The following RYR3 variants were observed in gnomAD, a reference collection of about 807,000 sequenced individuals.
RYR3 encodes the protein brain ryanodine receptor-calcium release channel.
In RYR3, 207 loss-of-function variants were observed where a neutral mutation model predicts 584.3. The observed-to-expected ratio is 0.35, with a 90% CI of 0.32 to 0.40. The LOEUF (loss-of-function observed/expected upper bound fraction) is 0.40, where lower values mean the gene tolerates loss of function less well. Ranked by LOEUF, RYR3 falls within the 10% of genes least tolerant of loss-of-function variation. RYR3 has a pLI of 1.00. For synonymous variants in RYR3, 2,416 were observed against 2,248.5 expected, an observed-to-expected ratio of 1.07 and a Z score of -2.11; for missense variants, 5,616 against 6,089.2, an observed-to-expected ratio of 0.92 and a Z score of 2.59.
At chr15:33,430,170 C>T (rs1427130218) in intron 1 of RYR3, among the ~76,000 whole-genome samples, 4 of 152,246 alleles carry the variant, frequency 2.6e-5, no homozygotes. Context: ...GCAGCAAAGC[C>T]AAACACTTAT....
intron 27 of RYR3, among the ~76,000 whole-genome samples, chr15:33,643,292 C>CT (rs2061932968): frequency 6.6e-6 from 1 of 152,192 alleles, no homozygotes; most frequent in African/African-American, 2.4e-5. Flanking sequence ...CTCCAGCCAC[C>CT]TGCCTGCCTC....
chr15:33,859,436 A>C (rs979885070), intron 99 of RYR3, 139 bp from the exon 100 acceptor site: 2 of 797,638 alleles, frequency 2.5e-6, no homozygotes. Context: ...TAGCAGCATG[A>C]ATACTGGCAC....
At chr15:33,326,390 TC>T (rs1969704646) in intron 1 of RYR3, among the ~76,000 whole-genome samples, 1 of 152,146 alleles carries the variant, frequency 6.6e-6, no homozygotes, top group African/African-American at 2.4e-5. Context: ...AAACACATAA[TC>T]CCATTTTCAA....
At chr15:33,843,237 A>G (rs567073930) in intron 91 of RYR3, among the ~76,000 whole-genome samples, 35 of 152,074 alleles carry the variant, frequency 2.3e-4, no homozygotes, top group East Asian at 5.8e-4. Context: ...GGAGAATGGC[A>G]TGAACCCGGG....
At chr15:33,385,112 T>TATTCC (rs763938908) in intron 1 of RYR3, among the ~76,000 whole-genome samples, 33 of 152,344 alleles carry the variant, frequency 2.2e-4, no homozygotes, top group Admixed American at 5.9e-4. Flanking sequence ...GCTTTTTCCT[T>TATTCC]ATTCCTCTAC....
At chr15:33,484,135 G>A (rs1596325758) in intron 2 of RYR3, among the ~76,000 whole-genome samples, 1 of 151,844 alleles carries the variant, frequency 6.6e-6, no homozygotes, top group Non-Finnish European at 1.5e-5. Flanking sequence ...TCATCAATGA[G>A]TATTCATTGC....
intron 1 of RYR3, among the ~76,000 whole-genome samples, chr15:33,459,171 T>A (rs1262375092): frequency 6.6e-6 from 1 of 152,220 alleles, no homozygotes; most frequent in Non-Finnish European, 1.5e-5. Flanking sequence ...TTACAGGTGC[T>A]CCAGATAAGT....
chr15:33,685,919 A>C (rs1351594647), intron 38 of RYR3, among the ~76,000 whole-genome samples: 1 of 152,258 alleles, frequency 6.6e-6, no homozygotes. Context: ...AACATACCAG[A>C]ATCTCTGGGA....
chr15:33,467,976 G>C (rs1419207961), intron 1 of RYR3, among the ~76,000 whole-genome samples: 1 of 152,214 alleles, frequency 6.6e-6, no homozygotes, highest in African/African-American at 2.4e-5. Flanking sequence ...CCATCACCAT[G>C]GGCTTTAGAA....
intron 1 of RYR3, among the ~76,000 whole-genome samples, chr15:33,416,174 T>G (rs1335406291): frequency 6.6e-6 from 1 of 152,194 alleles, no homozygotes; most frequent in Non-Finnish European, 1.5e-5. Context: ...AATGAGTGCA[T>G]GTGTCTTTTT....
rs1033464754 is a variant in RYR3 at position 33,757,274 on chromosome 15, T to A, written c.8584-201T>A. 2.0e-5 allele frequency among the ~76,000 whole-genome samples: 3 copies of A among 152,112 alleles called. No individual in the cohort carries two copies. The South Asian group carries it at 6.2e-4, about 32-fold the overall frequency. On this transcript the variant is annotated intron_variant, in intron 59 of 103. Coordinates refer to ENST00000634891, the MANE Select transcript of RYR3 (RefSeq NM_001036.6). ...GCCCTTAGTCCATGGCTGTCTCCTT[T>A]CACATGCCCTTAAGGACTCTGGTTT...
At chr15:33,483,457 G>T (rs2050149778) in intron 2 of RYR3, among the ~76,000 whole-genome samples, 1 of 152,030 alleles carries the variant, frequency 6.6e-6, no homozygotes, top group South Asian at 2.1e-4. Flanking sequence ...GTATTTTGTT[G>T]TAGCTGGCAG....
chr15:33,674,064 G>A (rs1280784165), intron 38 of RYR3, among the ~76,000 whole-genome samples: 1 of 152,154 alleles, frequency 6.6e-6, no homozygotes, highest in Non-Finnish European at 1.5e-5. Context: ...CAGAACTGGA[G>A]GTGACCTTGA....
chr15:33,317,707 C>G (rs1271795076), intron 1 of RYR3, among the ~76,000 whole-genome samples: 10 of 152,300 alleles, frequency 6.6e-5, no homozygotes, highest in Admixed American at 3.9e-4. Context: ...TTCAGATCAT[C>G]TCTGAGACTG....
intron 1 of RYR3, among the ~76,000 whole-genome samples, chr15:33,361,097 G>A (rs1395743585): frequency 1.3e-5 from 2 of 152,196 alleles, no homozygotes; most frequent in Non-Finnish European, 2.9e-5. Flanking sequence ...CCTGCATACA[G>A]CTGGGGCCCA....
chr15:33,731,706 T>G lies in RYR3; in HGVS notation c.7424+12T>G. ...CTTGCCATTTGCAAGTAAGTACATA[T>G]CCTATGTTGTTACTTCTGTGTATGC... On this transcript the variant is annotated intron_variant, in intron 48 of 103. Transcript: ENST00000634891. 1 of 1,545,484 alleles carries G rather than the reference T, an allele frequency of 6.5e-7. No individual in the cohort carries two copies. The highest frequency in any genetic ancestry group is 8.9e-7 in the Non-Finnish European group (1 of 1,120,024).
At chr15:33,512,060 G>C (rs2053076660) in intron 3 of RYR3, among the ~76,000 whole-genome samples, 1 of 152,126 alleles carries the variant, frequency 6.6e-6, no homozygotes, top group African/African-American at 2.4e-5. Flanking sequence ...TTACAGGCGT[G>C]AGCCACCGCG....
chr15:33,644,255 G>A, intron 27 of RYR3, 56 bp from the exon 28 acceptor site: 1 of 1,424,828 alleles, frequency 7.0e-7, no homozygotes, highest in East Asian at 2.4e-5. Context: ...AGCTGCCTCG[G>A]AGTTTCCTGG....
chr15:33,570,769 T>C (rs1437839019), intron 12 of RYR3, among the ~76,000 whole-genome samples: 1 of 152,214 alleles, frequency 6.6e-6, no homozygotes, highest in Admixed American at 6.5e-5. Context: ...GTTTTTATTA[T>C]ATAAGTCTTG....
Sources: allele counts gnomAD v4.1 joint callset (sites outside exome capture counted in the v4.1 genomes callset), GRCh38; gene constraint gnomAD v4.1.1; transcripts MANE v1.5; gene names NCBI Gene and HGNC (gene_info 2026-07-23, HGNC 2026-07-21).